The following RCC1 variants were observed in gnomAD, a reference collection of about 807,000 sequenced individuals.
The protein encoded by RCC1 is regulator of chromosome condensation 1.
A neutral mutation model predicts 44.4 loss-of-function variants in RCC1; 11 were observed. The observed-to-expected ratio is 0.25, with a 90% confidence interval of 0.16 to 0.41. The LOEUF is 0.41. Ranked by LOEUF, RCC1 falls within the 10% of genes least tolerant of loss-of-function variation. The pLI is 1.00. For synonymous variants in RCC1, 213 were observed against 216.5 expected, an observed-to-expected ratio of 0.98 and a Z score of 0.14; for missense variants, 386 against 547.1, an observed-to-expected ratio of 0.71 and a Z score of 2.94.
intron 4 of RCC1, among the ~76,000 whole-genome samples, chr1:28,524,127 C>G (rs572669154): frequency 6.6e-6 from 1 of 152,280 alleles, no homozygotes; most frequent in African/African-American, 2.4e-5. Context: ...AAAGATGCCT[C>G]TTATATCCCA....
intron 4 of RCC1, chr1:28,518,989 A>C (rs1315953795): frequency 6.6e-6 from 1 of 152,192 alleles, no homozygotes; most frequent in Non-Finnish European, 1.5e-5. Flanking sequence ...TATTGACCTA[A>C]CTTCGACCAC....
intron 3 of RCC1, among the ~76,000 whole-genome samples, chr1:28,511,763 C>G (rs1242590450): frequency 6.6e-6 from 1 of 150,390 alleles, no homozygotes; most frequent in Non-Finnish European, 1.5e-5. Context: ...CGGGTTCCAG[C>G]AATTCTCCCA....
Position 28,536,615 on chromosome 1 carries a change from C to G in RCC1, c.938-132C>G, listed in dbSNP as rs1229238122. The G allele has an allele frequency of 1.7e-6, 2 of 1,210,770 alleles. No homozygotes were observed. Among genetic ancestry groups the G allele is most frequent in the African/African-American group, 3.0e-5 (2 of 66,310 alleles). The allele number at this position is 1,210,770 out of a possible 1,614,324, so 75.0% of individuals were successfully genotyped here. On this transcript the variant is annotated intron_variant, in intron 11 of 12. Transcript: ENST00000683442. The surrounding 1 kb of genome is among the most constrained non-coding windows in gnomAD (Gnocchi z 4.9). ...CCTCCTCCAAAACTGGGAAGAGACA[C>G]TGCAGATCTCCTTCTGATCGCTCTG... is the stretch of plus-strand genomic sequence containing the variant.
At chr1:28,507,763 C>A in intron 1 of RCC1, 3 of 339,208 alleles carry the variant, frequency 8.8e-6, no homozygotes, top group South Asian at 6.8e-5. Context: ...CCCGCCACCA[C>A]GCCAGGCTAA....
intron 7 of RCC1, among the ~76,000 whole-genome samples, chr1:28,534,312 C>G (rs1664404835): frequency 6.6e-6 from 1 of 152,178 alleles, no homozygotes; most frequent in Non-Finnish European, 1.5e-5. Flanking sequence ...TCCCGAGTAG[C>G]TGGGACTACA....
At chr1:28,507,131 G>C (rs74729937) in intron 1 of RCC1, 3 of 268,080 alleles carry the variant, frequency 1.1e-5, no homozygotes, top group African/African-American at 6.7e-5. Flanking sequence ...GGATAGCTGG[G>C]CCTAATTGTT....
rs758375720 is a variant in RCC1 at position 28,536,909 on chromosome 1, G to A, written c.1090+10G>A. 6.2e-7 allele frequency: 1 copy of A among 1,613,726 alleles called. No homozygotes were observed. The highest frequency in any genetic ancestry group is 8.5e-7 in the Non-Finnish European group (1 of 1,179,890). On this transcript the variant is annotated intron_variant, in intron 12 of 12. Coordinates refer to ENST00000683442, the MANE Select transcript of RCC1 (RefSeq NM_001381865.2). The surrounding 1 kb of genome is among the most constrained non-coding windows in gnomAD (Gnocchi z 4.9). ...GCTGTGACCAAGGATGGTGAGTGGGGCTGCCTACACTCTGTCTAGTTGGGA... is the reference window on the plus strand; with the variant it reads ...GCTGTGACCAAGGATGGTGAGTGGGACTGCCTACACTCTGTCTAGTTGGGA...
At chr1:28,509,932 C>T (rs1557866091) in intron 3 of RCC1, 1 of 152,304 alleles carries the variant, frequency 6.6e-6, no homozygotes, top group East Asian at 1.9e-4. Context: ...GTATCCCTAG[C>T]TGATGAGTTG....
At chr1:28,507,284 T>C in intron 1 of RCC1, 1 of 491,034 alleles carries the variant, frequency 2.0e-6, no homozygotes, top group Non-Finnish European at 4.1e-6. Context: ...TCGTTTGCTT[T>C]CTTGTTTAAG....
chr1:28,536,956 C>G lies in RCC1; in HGVS notation c.1090+57C>G. Reference sequence around the variant, plus strand: ...GGGACCTGGGGGTCATGGTTCTTACCCAATTCCCCAATAGGCTGTGATGTC... The same window carrying G: ...GGGACCTGGGGGTCATGGTTCTTACGCAATTCCCCAATAGGCTGTGATGTC... On this transcript the variant is annotated intron_variant, in intron 12 of 12. Coordinates refer to ENST00000683442, the MANE Select transcript of RCC1 (RefSeq NM_001381865.2). This position sits in a 1 kb window ranked among gnomAD's most constrained non-coding sequence, Gnocchi z 4.9. The G allele has an allele frequency of 6.3e-7, 1 of 1,585,424 alleles. No individual in the cohort carries two copies. The highest frequency in any genetic ancestry group is 1.1e-5 in the South Asian group (1 of 89,686).
intron 4 of RCC1, among the ~76,000 whole-genome samples, chr1:28,521,468 C>T (rs184114533): frequency 1.4e-3 from 205 of 148,490 alleles, no homozygotes; most frequent in Middle Eastern, 6.9e-3. Flanking sequence ...GCCATTGCCT[C>T]CAGACTGGGC....
chr1:28,531,690 C>T, intron 5 of RCC1, 113 bp from the exon 6 acceptor site: 1 of 787,048 alleles, frequency 1.3e-6, no homozygotes, highest in Non-Finnish European at 1.9e-6. Flanking sequence ...TTCATACTAA[C>T]AGTCTGTGGC....
chr1:28,521,386 A>G (rs1663263277), intron 4 of RCC1, among the ~76,000 whole-genome samples: 1 of 151,082 alleles, frequency 6.6e-6, no homozygotes, highest in Non-Finnish European at 1.5e-5. Flanking sequence ...CTGTAGTCCC[A>G]GCTACTCGGG....
rs1283748434 is a variant in RCC1, at chr1:28,538,393, C to T, written c.*386C>T. On this transcript the variant is annotated 3_prime_UTR_variant, in exon 13 of 13. Coordinates refer to ENST00000683442, the MANE Select transcript of RCC1 (RefSeq NM_001381865.2). ...TGAGAAGTTGGGGCTCCATCAAGCC[C>T]CATTCTAGTCATGTGCCCCTTTCCT... is the stretch of plus-strand genomic sequence containing the variant. 1 of 166,534 alleles carries T rather than the reference C, an allele frequency of 6.0e-6. No individual in the cohort carries two copies. The highest frequency in any genetic ancestry group is 1.3e-5 in the Non-Finnish European group (1 of 77,324). 10.3% of individuals were successfully genotyped at this position (166,534 alleles called of 1,614,324 possible).
In RCC1 at chr1:28,532,209, A is replaced by G. The variant is rs914583480; in HGVS notation, c.300A>G (p.Gly100=). 1.3e-5 allele frequency: 21 copies of G among 1,613,650 alleles called. No homozygotes were observed. Among genetic ancestry groups the G allele is most frequent in the Non-Finnish European group, 1.7e-5 (20 of 1,179,888 alleles). The change falls in exon 7 of 13, where the codon GGA becomes GGG. Residue 100 remains glycine, a synonymous_variant. Coordinates refer to ENST00000683442, the MANE Select transcript of RCC1 (RefSeq NM_001381865.2). The part of the protein sequence containing the change: ...SFGCNDEGAL[G]RDTSVEGSEM... Reference sequence around the variant, plus strand: ...GCTGCAATGATGAGGGTGCCCTGGGAAGGGACACATCAGTGGAGGGCTCGG... The same window carrying G: ...GCTGCAATGATGAGGGTGCCCTGGGGAGGGACACATCAGTGGAGGGCTCGG...
chr1:28,511,098 C>T (rs953724369), intron 3 of RCC1, among the ~76,000 whole-genome samples: 3 of 152,116 alleles, frequency 2.0e-5, no homozygotes, highest in African/African-American at 7.2e-5. Context: ...TGGCCTTGTT[C>T]TTTGTGTAGG....
At chr1:28,528,488 C>T (rs1663845105) in intron 4 of RCC1, among the ~76,000 whole-genome samples, 1 of 152,044 alleles carries the variant, frequency 6.6e-6, no homozygotes, top group Non-Finnish European at 1.5e-5. Flanking sequence ...CTTAGCAGGG[C>T]ATGGTGATGC....
intron 4 of RCC1, among the ~76,000 whole-genome samples, chr1:28,521,380 A>G (rs1459669294): frequency 6.6e-6 from 1 of 151,028 alleles, no homozygotes; most frequent in African/African-American, 2.4e-5. Flanking sequence ...AGGCGCCTGT[A>G]GTCCCAGCTA....
At chr1:28,517,374 A>G (rs1662959486) in intron 4 of RCC1, among the ~76,000 whole-genome samples, 1 of 151,898 alleles carries the variant, frequency 6.6e-6, no homozygotes, top group Non-Finnish European at 1.5e-5. Flanking sequence ...ACACCCTTCT[A>G]TTTTATCTGG....
Sources: allele counts gnomAD v4.1 joint callset (sites outside exome capture counted in the v4.1 genomes callset), GRCh38; gene constraint gnomAD v4.1.1; non-coding constraint Gnocchi (gnomAD v3.1); transcripts MANE v1.5; gene names NCBI Gene and HGNC (gene_info 2026-07-23, HGNC 2026-07-21).